SUCO: variants seen among roughly 807,000 people sequenced by gnomAD.
SUCO encodes the protein SUN domain containing ossification factor.
A neutral mutation model predicts 148.1 loss-of-function variants in SUCO; 57 were observed. The ratio of observed to expected loss-of-function variants is 0.38; its 90% confidence interval spans 0.31 to 0.48. The LOEUF (loss-of-function observed/expected upper bound fraction) is 0.48, where lower values mean the gene tolerates loss of function less well. Among genes scored for constraint, SUCO ranks in the 20% least tolerant of loss-of-function variants. The pLI, the probability that SUCO is intolerant of heterozygous loss-of-function variation, is 0.96. For synonymous variants in SUCO, 470 were observed against 502.7 expected (o/e 0.93, Z 0.87); for missense variants, 1,331 against 1,468.2 (o/e 0.91, Z 1.53).
At chr1:172,595,429 T>C (rs911771244) in intron 19 of SUCO, among the ~76,000 whole-genome samples, 4 of 152,240 alleles carry the variant, frequency 2.6e-5, no homozygotes, top group African/African-American at 9.7e-5. Flanking sequence ...AATCGTTCCT[T>C]TCCACTTTTC....
At position 172,597,401 on chromosome 1, in the gene SUCO, G is replaced by A. The variant is rs572736383; in HGVS notation, c.2914-2663G>A. ...CTGTAGACTGGAGCTGTTCCTATTCGGCCATCTTGGAACCTTCCAAGAAAG... is the reference window on the plus strand; with the variant it reads ...CTGTAGACTGGAGCTGTTCCTATTCAGCCATCTTGGAACCTTCCAAGAAAG... On this transcript the variant is annotated intron_variant, in intron 19 of 23. Transcript: ENST00000263688. 3.9e-5 allele frequency among the ~76,000 whole-genome samples: 6 copies of A among 152,186 alleles called. No homozygotes were observed. In the South Asian group the frequency reaches 6.2e-4, roughly 16 times the overall value.
chr1:172,554,607 C>T (rs190416314), intron 3 of SUCO, among the ~76,000 whole-genome samples: 195 of 152,010 alleles, frequency 1.3e-3, no homozygotes, highest in East Asian at 6.6e-3. Context: ...TGTGGTGGTG[C>T]ACGCCTATAG....
chr1:172,593,592 T>G (rs1279825738), intron 19 of SUCO, among the ~76,000 whole-genome samples: 2 of 152,240 alleles, frequency 1.3e-5, no homozygotes, highest in Non-Finnish European at 2.9e-5. Flanking sequence ...GATTTCCATG[T>G]GTTGAACCAG....
chr1:172,584,287 T>G (rs1165946888), intron 15 of SUCO: 7 of 489,896 alleles, frequency 1.4e-5, no homozygotes, highest in Non-Finnish European at 1.3e-5. Flanking sequence ...AAGCATTTGC[T>G]TTTTTACACT....
At chr1:172,557,012 G>A (rs1653803477) in intron 4 of SUCO, 1 of 977,098 alleles carries the variant, frequency 1.0e-6, no homozygotes, top group Admixed American at 6.2e-5. Context: ...TAGTAATGAT[G>A]GAAATTAAAC....
intron 19 of SUCO, among the ~76,000 whole-genome samples, chr1:172,597,392 T>G (rs1384343233): frequency 6.6e-6 from 1 of 152,220 alleles, no homozygotes; most frequent in East Asian, 1.9e-4. Flanking sequence ...ACTGGAGCTG[T>G]TCCTATTCGG....
At chr1:172,568,305 T>TGC (rs1654701415) in intron 6 of SUCO, 5 of 905,984 alleles carry the variant, frequency 5.5e-6, no homozygotes, top group Non-Finnish European at 6.6e-6. Context: ...ATTCTTTGCT[T>TGC]CCCACCCACC....
In SUCO at chr1:172,573,891, G is replaced by GT. The variant is rs1469654843; in HGVS notation, c.1053dup (p.Val352CysfsTer3). 1 of 1,539,808 alleles carries GT rather than the reference G, an allele frequency of 6.5e-7. No individual in the cohort carries two copies. Among genetic ancestry groups the GT allele is most frequent in the East Asian group, 2.3e-5 (1 of 44,282 alleles). On this transcript the variant is annotated frameshift_variant and splice_region_variant, in exon 10 of 24. Transcript: ENST00000263688. LOFTEE classifies it high-confidence loss of function. ...TAATTGTCTTTTGTTCTTTTTGAAG[G>GT]TTTGTTATTGAACTTTGTGAACCAA...
intron 6 of SUCO, among the ~76,000 whole-genome samples, chr1:172,563,279 C>T (rs1654317614): frequency 6.6e-6 from 1 of 152,148 alleles, no homozygotes; most frequent in Non-Finnish European, 1.5e-5. Context: ...GTTTGGAGGG[C>T]TCAGAAGACA....
At chr1:172,581,660 AATC>A (rs1315717415) in intron 15 of SUCO, among the ~76,000 whole-genome samples, 2 of 152,194 alleles carry the variant, frequency 1.3e-5, no homozygotes, top group Non-Finnish European at 2.9e-5. Context: ...GTTTGACTAT[AATC>A]ATCACTGCTT....
At chr1:172,553,446 A>G (rs1049531531) in intron 3 of SUCO, 76 bp downstream of exon 3, 2 of 1,075,226 alleles carry the variant, frequency 1.9e-6, no homozygotes, top group Admixed American at 2.3e-5. Context: ...TTTGGTCACC[A>G]TATTGTGTGT....
In SUCO at chr1:172,602,160, T is replaced by G; in HGVS notation, c.3115T>G (p.Phe1039Val). ...CMQRCRNTSQ[F>V]DGDYISKLPK... ...GCAGCGTTGTCGAAATACTTCTCAA[T>G]TTGATGGAGATTATATTTCAAAACT... The change falls in exon 21 of 24, where the codon TTT becomes GTT. Residue 1039 changes from phenylalanine (F) to valine (V), a missense_variant. Around this residue, in one of 3 missense-constraint regions of SUCO, gnomAD observed 334 missense variants for 352.3 expected, o/e 0.95. Transcript: ENST00000263688. The G allele has an allele frequency of 4.3e-6, 7 of 1,613,738 alleles. No individual in the cohort carries two copies. The highest frequency in any genetic ancestry group is 5.9e-6 in the Non-Finnish European group (7 of 1,179,830).
At chr1:172,601,498 C>CAAA (rs10633040) in intron 20 of SUCO, among the ~76,000 whole-genome samples, 29,413 of 114,436 alleles carry the variant, frequency 0.26, 3,257 homozygotes, top group Middle Eastern at 0.37. Context: ...GGCTCTGTCT[C>CAAA]AAAAAAAAAA....
chr1:172,590,375 T>C (rs1244671777), intron 18 of SUCO: 1 of 984,916 alleles, frequency 1.0e-6, no homozygotes, highest in African/African-American at 1.7e-5. Context: ...ACATTTGCAG[T>C]TTGCTCTCTT....
At chr1:172,609,311 G>A (rs1658062198) in intron 23 of SUCO, 5 of 984,784 alleles carry the variant, frequency 5.1e-6, no homozygotes, top group Non-Finnish European at 6.0e-6. Context: ...TTCAAATTAA[G>A]TTATACTAAT....
chr1:172,562,178 C>T (rs1195435965), intron 6 of SUCO, among the ~76,000 whole-genome samples: 1 of 152,002 alleles, frequency 6.6e-6, no homozygotes, highest in East Asian at 1.9e-4. Context: ...GCAGTTGTAG[C>T]TGGAGGAGAA....
At chr1:172,571,215 C>T (rs996122280) in intron 9 of SUCO, among the ~76,000 whole-genome samples, 1 of 152,250 alleles carries the variant, frequency 6.6e-6, no homozygotes, top group East Asian at 1.9e-4. Flanking sequence ...CGCGCCACCA[C>T]GCCTGACTGG....
chr1:172,549,462 A>G (rs1653114963), intron 1 of SUCO, among the ~76,000 whole-genome samples: 1 of 152,000 alleles, frequency 6.6e-6, no homozygotes, highest in Admixed American at 6.6e-5. Flanking sequence ...ATAAAAAACA[A>G]TGGTTAAAGA....
intron 10 of SUCO, chr1:172,574,987 C>A (rs1345188425): frequency 2.9e-6 from 2 of 680,008 alleles, no homozygotes; most frequent in Non-Finnish European, 3.6e-6. Context: ...ATTTTTTTAA[C>A]GTGGTGAGAG....
Sources: gnomAD v4.1 joint callset for allele counts (sites outside exome capture counted in the v4.1 genomes callset) on GRCh38, gnomAD v4.1.1 for gene constraint, gnomAD v4.1.1 regional missense constraint, MANE v1.5 for transcripts, NCBI Gene and HGNC (gene_info 2026-07-23, HGNC 2026-07-21) for gene names.